Variants in PTPRD observed in about 807,000 individuals in gnomAD.
PTPRD encodes the protein protein tyrosine phosphatase receptor type D, also known as receptor-type tyrosine-protein phosphatase delta.
In PTPRD, 34 loss-of-function variants were observed where a neutral mutation model predicts 214.5. The ratio of observed to expected loss-of-function variants is 0.16; its 90% CI spans 0.12 to 0.21. The LOEUF (loss-of-function observed/expected upper bound fraction) is 0.21. Ranked by LOEUF, PTPRD falls within the 10% of genes least tolerant of loss-of-function variation. The pLI is 1.00. For synonymous variants in PTPRD, 1,128 were observed against 845.7 expected (o/e 1.33, Z -5.79); for missense variants, 2,545 against 2,398.7 (o/e 1.06, Z -1.27).
intron 5 of PTPRD, among the ~76,000 whole-genome samples, chr9:9,924,671 C>T (rs999138707): frequency 2.6e-5 from 4 of 151,974 alleles, no homozygotes; most frequent in South Asian, 2.1e-4. Flanking sequence ...AAATAAAAAC[C>T]ATCTCCTATC....
chr9:10,367,615 T>C (rs1022374823), intron 2 of PTPRD, among the ~76,000 whole-genome samples: 1 of 152,032 alleles, frequency 6.6e-6, no homozygotes, highest in African/African-American at 2.4e-5. Flanking sequence ...AGGAGATAAG[T>C]CAATATGAAT....
intron 7 of PTPRD, among the ~76,000 whole-genome samples, chr9:9,661,856 T>A (rs2096628519): frequency 6.6e-6 from 1 of 151,670 alleles, no homozygotes; most frequent in Non-Finnish European, 1.5e-5. Context: ...TTTGAGTGCT[T>A]GTTTCAGCCC....
At chr9:8,838,923 C>G (rs556127218) in intron 11 of PTPRD, among the ~76,000 whole-genome samples, 3 of 151,934 alleles carry the variant, frequency 2.0e-5, no homozygotes, top group African/African-American at 7.2e-5. Context: ...AGAAAAAAAA[C>G]CATCAACAGA....
At chr9:9,426,692 C>T (rs919796652) in intron 8 of PTPRD, among the ~76,000 whole-genome samples, 1 of 152,114 alleles carries the variant, frequency 6.6e-6, no homozygotes, top group Non-Finnish European at 1.5e-5. Flanking sequence ...TGGCTGGGTG[C>T]CCCTCTGAGA....
At chr9:9,164,435 C>G (rs2099897449) in intron 10 of PTPRD, among the ~76,000 whole-genome samples, 1 of 152,138 alleles carries the variant, frequency 6.6e-6, no homozygotes, top group Non-Finnish European at 1.5e-5. Flanking sequence ...AGGTACTCTT[C>G]TGATCACGAT....
At chr9:8,774,773 AT>A (rs2095401229) in intron 11 of PTPRD, among the ~76,000 whole-genome samples, 1 of 151,996 alleles carries the variant, frequency 6.6e-6, no homozygotes, top group Non-Finnish European at 1.5e-5. Flanking sequence ...ACCTCAGGTG[AT>A]CCCCCCGCCT....
intron 9 of PTPRD, among the ~76,000 whole-genome samples, chr9:9,353,742 T>C (rs1399155349): frequency 6.6e-6 from 1 of 151,802 alleles, no homozygotes. Flanking sequence ...ACAAGGAATA[T>C]ATTAGTTTTC....
At position 9,038,553 on chromosome 9, in the gene PTPRD, G is replaced by GTT. The variant is rs35388432; in HGVS notation, c.-142-19820_-142-19819dup. Among the ~76,000 whole-genome samples the GTT allele has an allele frequency of 2.6e-3, 331 of 129,004 alleles. 6 individuals are homozygous for GTT. The highest frequency in any genetic ancestry group is 8.1e-3 in the African/African-American group (260 of 32,296). 84.6% of individuals were successfully genotyped at this position (129,004 alleles called of 152,430 possible). ...TATATGTTCAATGTTTGTGATAACG[G>GTT]TTTTTTTTTTTTTTTTTTTGAGATG... On this transcript the variant is annotated intron_variant, in intron 10 of 45. Coordinates refer to ENST00000381196, the MANE Select transcript of PTPRD (RefSeq NM_002839.4).
chr9:10,385,250 C>T (rs1225603218), intron 2 of PTPRD, among the ~76,000 whole-genome samples: 1 of 151,576 alleles, frequency 6.6e-6, no homozygotes, highest in African/African-American at 2.4e-5. Context: ...CATACATATC[C>T]TCATGTTCTG....
intron 2 of PTPRD, among the ~76,000 whole-genome samples, chr9:10,562,135 C>T (rs2064145162): frequency 6.6e-6 from 1 of 152,062 alleles, no homozygotes; most frequent in South Asian, 2.1e-4. Context: ...TCCTTTCATC[C>T]TATATGTGAG....
chr9:9,266,811 T>C (rs1939985180), intron 9 of PTPRD, among the ~76,000 whole-genome samples: 1 of 150,856 alleles, frequency 6.6e-6, no homozygotes, highest in Non-Finnish European at 1.5e-5. Flanking sequence ...CCAAAGCAGT[T>C]CTAGGAGAAA....
At chr9:8,865,535 C>T (rs1345759068) in intron 11 of PTPRD, among the ~76,000 whole-genome samples, 8 of 152,050 alleles carry the variant, frequency 5.3e-5, no homozygotes, top group African/African-American at 1.4e-4. Flanking sequence ...AATGAATTTC[C>T]CCTGCTCCTG....
intron 2 of PTPRD, among the ~76,000 whole-genome samples, chr9:10,584,944 C>G (rs537562023): frequency 6.6e-6 from 1 of 152,188 alleles, no homozygotes; most frequent in Admixed American, 6.5e-5. Context: ...TACTCTCAGG[C>G]CAAAAATTGC....
In PTPRD at chr9:8,501,032, C is replaced by T. The variant is rs2136993686; in HGVS notation, c.1850G>A (p.Ser617Asn). 6.2e-7 allele frequency: 1 copy of T among 1,613,292 alleles called. No homozygotes were observed. Residue 617 changes from serine (S) to asparagine (N), a missense_variant, in exon 24 of 46, where the codon AGT becomes AAT. Ser to Asn is a conservative substitution (Grantham distance 46, BLOSUM62 1). Coordinates refer to ENST00000381196, the MANE Select transcript of PTPRD (RefSeq NM_002839.4). ...SKPSAPPQDI[S>N]CTSPSSTSIL... ...ACTAGTGGAACTTGGGCTGGTGCAACTAATGTCTTGAGGAGGAGCTGACGG... is the reference window on the plus strand; with the variant it reads ...ACTAGTGGAACTTGGGCTGGTGCAATTAATGTCTTGAGGAGGAGCTGACGG...
intron 34 of PTPRD, among the ~76,000 whole-genome samples, chr9:8,440,170 T>A (rs1170289357): frequency 1.3e-5 from 2 of 151,958 alleles, no homozygotes; most frequent in Non-Finnish European, 2.9e-5. Context: ...GTGATATTCT[T>A]GAATCCTCTC....
At chr9:10,284,396 A>G (rs571835273) in intron 3 of PTPRD, among the ~76,000 whole-genome samples, 1 of 152,200 alleles carries the variant, frequency 6.6e-6, no homozygotes, top group Admixed American at 6.5e-5. Flanking sequence ...ATAAACAAAA[A>G]CTGATGTCTC....
intron 10 of PTPRD, among the ~76,000 whole-genome samples, chr9:9,068,933 AT>A (rs2099739738): frequency 6.6e-6 from 1 of 152,132 alleles, no homozygotes; most frequent in Non-Finnish European, 1.5e-5. Flanking sequence ...TTATGGGAAA[AT>A]ATTTGGACAT....
chr9:9,108,007 C>A (rs1411466280), intron 10 of PTPRD, among the ~76,000 whole-genome samples: 1 of 152,112 alleles, frequency 6.6e-6, no homozygotes, highest in Non-Finnish European at 1.5e-5. Context: ...TGCTTTCTTC[C>A]TTTCTTCTAA....
At chr9:10,278,861 G>A (rs554717874) in intron 3 of PTPRD, among the ~76,000 whole-genome samples, 4 of 151,948 alleles carry the variant, frequency 2.6e-5, no homozygotes, top group Non-Finnish European at 4.4e-5. Context: ...TGCAAGCTCC[G>A]TCTCCTTGGT....
Sources: gnomAD v4.1 joint callset for allele counts (sites outside exome capture counted in the v4.1 genomes callset) on GRCh38, gnomAD v4.1.1 for gene constraint, MANE v1.5 for transcripts, NCBI Gene and HGNC (gene_info 2026-07-23, HGNC 2026-07-21) for gene names.